Variants in EXOC6 observed in about 807,000 individuals in gnomAD.
The protein encoded by EXOC6 is exocyst complex component 6.
In EXOC6, 60 loss-of-function variants were observed where a neutral mutation model predicts 112.5. That is an observed-to-expected ratio of 0.53 (90% CI 0.43 to 0.66). The LOEUF (loss-of-function observed/expected upper bound fraction) is 0.66, where lower values mean the gene tolerates loss of function less well. EXOC6 is among the 30% of genes least tolerant of loss of function. EXOC6 has a pLI of 0.00. For synonymous variants in EXOC6, 295 were observed against 308.0 expected (o/e 0.96, Z 0.44); for missense variants, 855 against 957.1 (o/e 0.89, Z 1.41).
intron 12 of EXOC6, among the ~76,000 whole-genome samples, chr10:92,937,349 C>G (rs1414952584): frequency 6.6e-6 from 1 of 152,144 alleles, no homozygotes; most frequent in Non-Finnish European, 1.5e-5. Flanking sequence ...GATGATTATG[C>G]AGCATTTTCC....
intron 13 of EXOC6, among the ~76,000 whole-genome samples, chr10:92,944,203 A>G (rs959155947): frequency 2.0e-5 from 3 of 151,598 alleles, no homozygotes; most frequent in African/African-American, 7.3e-5. Flanking sequence ...GGGAATGCAG[A>G]TAACTCTTTG....
Position 93,036,139 on chromosome 10 carries a change from G to A in EXOC6, c.2170-20785G>A, listed in dbSNP as rs564518174. On this transcript the variant is annotated intron_variant, in intron 20 of 21. Coordinates refer to ENST00000260762, the MANE Select transcript of EXOC6 (RefSeq NM_019053.6). ...AGGCAGAGGCAGGAGAATCACTTGA[G>A]CCTGGGAGGTGGAGGTTGCAGTGAG... Among the ~76,000 whole-genome samples, 24 of 151,192 alleles carry A rather than the reference G, an allele frequency of 1.6e-4. No individual in the cohort carries two copies. The East Asian group carries it at 4.5e-3, about 28-fold the overall frequency.
chr10:93,009,268 T>C (rs1209496455), intron 19 of EXOC6, among the ~76,000 whole-genome samples: 1 of 152,168 alleles, frequency 6.6e-6, no homozygotes, highest in East Asian at 1.9e-4. Flanking sequence ...TTACATTTCA[T>C]TATTGCAGAA....
chr10:92,895,111 A>G (rs1389755437), intron 4 of EXOC6, 91 bp downstream of exon 4: 5 of 783,900 alleles, frequency 6.4e-6, no homozygotes, highest in Non-Finnish European at 1.1e-5. Context: ...TGGGAATTAC[A>G]GATTATTTGG....
upstream of EXOC6, chr10:92,848,448 C>CCCCCCCCCG: frequency 9.7e-7 from 1 of 1,033,840 alleles, no homozygotes; most frequent in Non-Finnish European, 1.2e-6. Flanking sequence ...GCCCCCGCCC[C>CCCCCCCCCG]GCCCCTTCGC....
intron 1 of EXOC6, among the ~76,000 whole-genome samples, chr10:92,857,233 T>C (rs1034498391): frequency 6.6e-6 from 1 of 152,036 alleles, no homozygotes; most frequent in African/African-American, 2.4e-5. Context: ...TTTTCTGGTG[T>C]AATATTTTAA....
At chr10:92,921,369 C>G (rs1400125848) in intron 8 of EXOC6, among the ~76,000 whole-genome samples, 1 of 151,592 alleles carries the variant, frequency 6.6e-6, no homozygotes, top group Non-Finnish European at 1.5e-5. Flanking sequence ...CTCAGCCTCC[C>G]AAGTAGCTGG....
intron 20 of EXOC6, among the ~76,000 whole-genome samples, chr10:93,027,018 A>G (rs1255540534): frequency 6.6e-6 from 1 of 152,238 alleles, no homozygotes; most frequent in African/African-American, 2.4e-5. Context: ...AGGTGTGAAT[A>G]CAAAGAAATA....
intron 20 of EXOC6, among the ~76,000 whole-genome samples, chr10:93,052,101 A>G (rs762496091): frequency 6.6e-6 from 1 of 152,222 alleles, no homozygotes; most frequent in Non-Finnish European, 1.5e-5. Flanking sequence ...AGGTGCTTCA[A>G]AAGCAAAACC....
chr10:92,979,896 CAAAAAAAAA>C (rs5787028), intron 18 of EXOC6, among the ~76,000 whole-genome samples: 2 of 84,414 alleles, frequency 2.4e-5, no homozygotes, highest in Non-Finnish European at 4.8e-5. Context: ...GACACTGTCT[CAAAAAAAAA>C]AAAAAAAAAA....
intron 20 of EXOC6, among the ~76,000 whole-genome samples, chr10:93,035,233 T>C (rs1231752890): frequency 6.6e-6 from 1 of 152,220 alleles, no homozygotes; most frequent in East Asian, 1.9e-4. Flanking sequence ...TCCGGAAGTT[T>C]ATAGTTTATG....
chr10:92,900,717 T>C (rs1324522253), intron 5 of EXOC6: 7 of 152,042 alleles, frequency 4.6e-5, no homozygotes, highest in Non-Finnish European at 1.0e-4. Flanking sequence ...ATTCCTTCTT[T>C]ATAGGAGCAA....
At chr10:92,831,428 A>ATTT, upstream of EXOC6, 1 of 826,220 alleles carries the variant, frequency 1.2e-6, no homozygotes, top group Non-Finnish European at 1.6e-6. Context: ...ACTATATTCT[A>ATTT]TTTTTTTTTT....
At chr10:92,832,067 T>C (rs1846501945), upstream of EXOC6, among the ~76,000 whole-genome samples, 1 of 152,242 alleles carries the variant, frequency 6.6e-6, no homozygotes, top group Non-Finnish European at 1.5e-5. Context: ...TTCAATGTAA[T>C]ATAGTGATGC....
At chr10:92,958,688 C>A (rs1054177310) in intron 17 of EXOC6, among the ~76,000 whole-genome samples, 1 of 152,144 alleles carries the variant, frequency 6.6e-6, no homozygotes, top group African/African-American at 2.4e-5. Context: ...TGGATGTTGA[C>A]AAAGTGATCT....
At chr10:92,866,376 A>G (rs1848176889) in intron 1 of EXOC6, among the ~76,000 whole-genome samples, 1 of 152,140 alleles carries the variant, frequency 6.6e-6, no homozygotes, top group South Asian at 2.1e-4. Flanking sequence ...AAAACTGAAC[A>G]CTTTCATTAA....
chr10:92,917,173 G>A (rs1447978254), intron 7 of EXOC6, among the ~76,000 whole-genome samples: 2 of 152,018 alleles, frequency 1.3e-5, no homozygotes, highest in African/African-American at 2.4e-5. Context: ...CACCATGCTG[G>A]CCAGGCTGGT....
rs568090250 is a variant in EXOC6, at chr10:92,855,730, T to G, written c.101+7096T>G. Among the ~76,000 whole-genome samples the G allele has an allele frequency of 2.0e-5, 3 of 152,316 alleles. No individual in the cohort carries two copies. In the South Asian group the frequency reaches 6.2e-4, roughly 32 times the overall value. ...TTTTCTTATTTTTATTTCTGTAACA[T>G]TCTCTCTTTTGTTCTTGAATTTAGT... is the stretch of plus-strand genomic sequence containing the variant. On this transcript the variant is annotated intron_variant, in intron 1 of 21. Coordinates refer to ENST00000260762, the MANE Select transcript of EXOC6 (RefSeq NM_019053.6).
intron 18 of EXOC6, among the ~76,000 whole-genome samples, chr10:92,987,143 G>A (rs1400674917): frequency 6.6e-6 from 1 of 152,146 alleles, no homozygotes; most frequent in Admixed American, 6.5e-5. Context: ...TCATCTGTGG[G>A]AAGAGCTTCT....
Sources: gnomAD v4.1 joint callset for allele counts (sites outside exome capture counted in the v4.1 genomes callset) on GRCh38, gnomAD v4.1.1 for gene constraint, MANE v1.5 for transcripts, NCBI Gene and HGNC (gene_info 2026-07-23, HGNC 2026-07-21) for gene names.